UNC80: variants seen among roughly 807,000 people sequenced by gnomAD.
UNC80 encodes unc-80 subunit of NALCN channel complex.
Under a neutral mutation model 384.6 loss-of-function variants are expected in UNC80, and 164 were observed. The observed-to-expected ratio is 0.43, with a 90% CI of 0.38 to 0.49. UNC80 has a LOEUF of 0.49. Ranked by LOEUF, UNC80 falls within the 20% of genes least tolerant of loss-of-function variation. UNC80 has a pLI of 0.00. For missense variants in UNC80, 3,330 were observed against 4,143.0 expected, an observed-to-expected ratio of 0.80 and a Z score of 5.39; for synonymous variants, 1,486 against 1,527.8, an observed-to-expected ratio of 0.97 and a Z score of 0.64.
intron 62 of UNC80, among the ~76,000 whole-genome samples, chr2:209,992,713 A>G (rs1321052252): frequency 1.3e-5 from 2 of 152,240 alleles, no homozygotes; most frequent in Non-Finnish European, 2.9e-5. Context: ...GATTTGTTAT[A>G]CAGTTGATTT....
chr2:209,779,289 C>T (rs980135336), intron 4 of UNC80, among the ~76,000 whole-genome samples: 1 of 152,128 alleles, frequency 6.6e-6, no homozygotes, highest in Non-Finnish European at 1.5e-5. Flanking sequence ...TTCTCACCCT[C>T]AAACTTGACA....
rs185908474 is a variant in UNC80, at chr2:209,899,513, C to T, written c.4581+3100C>T. ...ATTAATTTAAAAAAAAGCACCGGGG[C>T]TCTAGTTGATGTTTTCTCTTTCCAG... On this transcript the variant is annotated intron_variant, in intron 28 of 64. Transcript: ENST00000673920. 2.7e-4 allele frequency among the ~76,000 whole-genome samples: 41 copies of T among 152,294 alleles called. No homozygotes were observed. The East Asian group carries it at 7.5e-3, about 28-fold the overall frequency.
At chr2:209,800,762 G>A (rs2078493615) in intron 7 of UNC80, among the ~76,000 whole-genome samples, 1 of 152,074 alleles carries the variant, frequency 6.6e-6, no homozygotes, top group Non-Finnish European at 1.5e-5. Context: ...TTGTCTCTTT[G>A]TTCTCATTGG....
intron 26 of UNC80, among the ~76,000 whole-genome samples, chr2:209,893,798 C>T (rs1318638676): frequency 6.6e-6 from 1 of 152,018 alleles, no homozygotes; most frequent in African/African-American, 2.4e-5. Context: ...TCTGTAAGTC[C>T]CATTTCGAAA....
At chr2:209,845,454 G>T (rs1434640925) in intron 21 of UNC80, among the ~76,000 whole-genome samples, 2 of 152,104 alleles carry the variant, frequency 1.3e-5, no homozygotes, top group East Asian at 1.9e-4. Flanking sequence ...ACAAATGTTA[G>T]TTCATTCTGG....
At chr2:209,985,229 C>T (rs1344422278) in intron 61 of UNC80, among the ~76,000 whole-genome samples, 1 of 152,148 alleles carries the variant, frequency 6.6e-6, no homozygotes, top group Non-Finnish European at 1.5e-5. Context: ...AAATTTATCC[C>T]ATCTAATTAT....
rs565508209 is a variant in UNC80, at chr2:209,976,940, G to C, written c.8800G>C (p.Glu2934Gln). 5 of 1,526,040 alleles carry C rather than the reference G, an allele frequency of 3.3e-6. No homozygotes were observed. Among genetic ancestry groups the C allele is most frequent in the Non-Finnish European group, 4.4e-6 (5 of 1,125,880 alleles). The allele number at this position is 1,526,040 out of a possible 1,614,324, so 94.5% of individuals were successfully genotyped here. A position where few individuals can be genotyped will look rare whatever the true frequency, so the allele number is the denominator to read the frequency against. The change falls in exon 58 of 65, where the codon GAA (glutamate) becomes CAA (glutamine). Residue 2934 changes from glutamate (E) to glutamine (Q), a missense_variant. Glu to Gln is a conservative substitution (Grantham distance 29, BLOSUM62 2). Coordinates refer to ENST00000673920, the MANE Select transcript of UNC80 (RefSeq NM_001371986.1). The surrounding 1 kb of genome is among the most constrained non-coding windows in gnomAD (Gnocchi z 4.3). ...KLLAQPAENH[E>Q]ELSARQHIAD... ...GCTGGCCCAACCAGCAGAGAATCAT[G>C]AAGAGCTTTCCGCCCGGCAACATAT...
At chr2:209,953,491 C>G (rs2092284768) in intron 47 of UNC80, among the ~76,000 whole-genome samples, 1 of 151,170 alleles carries the variant, frequency 6.6e-6, no homozygotes, top group South Asian at 2.1e-4. Flanking sequence ...GGGGAAAACC[C>G]ACTTTGCATA....
Position 209,879,846 on chromosome 2 carries a change from C to G in UNC80, c.3977-1115C>G, listed in dbSNP as rs529620694. Among the ~76,000 whole-genome samples, 183 of 149,728 alleles carry G rather than the reference C, an allele frequency of 1.2e-3. 1 individual carries two copies. In the Middle Eastern group the frequency reaches 0.024, roughly 19 times the overall value. On this transcript the variant is annotated intron_variant, in intron 24 of 64. Transcript: ENST00000673920. ...CAAAGTCCCCGGCAACAAATTAACT[C>G]AGGAGAGAAAATGGTTTTCCTGAAA...
At chr2:209,773,614 A>G (rs2153824419) in intron 2 of UNC80, among the ~76,000 whole-genome samples, 1 of 152,302 alleles carries the variant, frequency 6.6e-6, no homozygotes, top group African/African-American at 2.4e-5. Flanking sequence ...GTGGGGCGGG[A>G]TCGAGTGGTA....
chr2:209,790,905 G>C (rs1376696790), intron 6 of UNC80, among the ~76,000 whole-genome samples: 1 of 152,064 alleles, frequency 6.6e-6, no homozygotes, highest in African/African-American at 2.4e-5. Flanking sequence ...CAAGTAACAT[G>C]TCCTAGTTTA....
chr2:209,913,934 G>T lies in UNC80; in HGVS notation c.5023G>T (p.Ala1675Ser), dbSNP rs550786406. ...CAGCATGGATGAGCACATGGCAGGGGCAGCAGGTAAAGAAAGACCACCTGG... is the reference window on the plus strand; with the variant it reads ...CAGCATGGATGAGCACATGGCAGGGTCAGCAGGTAAAGAAAGACCACCTGG... ...LLSMDEHMAG[A>S]AAAMFLLCAV... Residue 1675 changes from alanine (A) to serine (S), a missense_variant, in exon 31 of 65, where the codon GCA becomes TCA. By Grantham distance (99) the Ala-to-Ser change is moderately conservative. Coordinates refer to ENST00000673920, the MANE Select transcript of UNC80 (RefSeq NM_001371986.1). The T allele has an allele frequency of 6.5e-7, 1 of 1,546,438 alleles. No homozygotes were observed. The highest frequency in any genetic ancestry group is 2.4e-5 in the East Asian group (1 of 40,828).
chr2:209,929,925 C>T lies in UNC80; in HGVS notation c.5861C>T (p.Thr1954Met), dbSNP rs940559299. ...LWNCLIEDPS[T>M]VLRHFLEKLT... is the part of the protein sequence containing the mutation. ...AACTGTCTAATTGAAGATCCATCAA[C>T]GGTTCTTCGACATTTTCTGGAAAAA... is the stretch of plus-strand genomic sequence containing the variant. The change falls in exon 37 of 65, where the codon ACG becomes ATG. Residue 1954 changes from threonine to methionine, a missense_variant. Around this residue, in one of 8 missense-constraint regions of UNC80, gnomAD observed 1,049 missense variants for 1,488.6 expected, o/e 0.70. Coordinates refer to ENST00000673920, the MANE Select transcript of UNC80 (RefSeq NM_001371986.1). 11 of 1,538,892 alleles carry T rather than the reference C, an allele frequency of 7.1e-6. No individual in the cohort carries two copies. The highest frequency in any genetic ancestry group is 1.4e-5 in the African/African-American group (1 of 72,246).
intron 28 of UNC80, 91 bp downstream of exon 28, chr2:209,896,504 C>T (rs2086808578): frequency 9.4e-7 from 1 of 1,058,584 alleles, no homozygotes; most frequent in Admixed American, 2.0e-5. Context: ...TATACTAAAT[C>T]ATCAATCCGA....
chr2:209,962,379 G>A (rs2092620860), intron 51 of UNC80, among the ~76,000 whole-genome samples: 1 of 152,058 alleles, frequency 6.6e-6, no homozygotes, highest in Non-Finnish European at 1.5e-5. Flanking sequence ...TCTTCATTTT[G>A]GCGTATTGCT....
rs539552716 is a variant in UNC80 at position 209,978,981 on chromosome 2, G to A, written c.9118+273G>A. Among the ~76,000 whole-genome samples, 5 of 152,324 alleles carry A rather than the reference G, an allele frequency of 3.3e-5. No homozygotes were observed. The South Asian group carries it at 1.0e-3, about 32-fold the overall frequency. ...TTTCTGCTTCTGGCTGGGCACGGTG[G>A]CTCATGCCTGTAGTCCCAGCACTTT... On this transcript the variant is annotated intron_variant, in intron 59 of 64. Coordinates refer to ENST00000673920, the MANE Select transcript of UNC80 (RefSeq NM_001371986.1).
At chr2:209,786,275 G>A in intron 5 of UNC80, 86 bp downstream of exon 5, 1 of 1,476,108 alleles carries the variant, frequency 6.8e-7, no homozygotes, top group Admixed American at 2.2e-5. Flanking sequence ...TTGCCCCTAA[G>A]AAGTCAAAAA....
At chr2:209,800,057 G>T (rs1476759877) in intron 7 of UNC80, among the ~76,000 whole-genome samples, 1 of 152,116 alleles carries the variant, frequency 6.6e-6, no homozygotes, top group Non-Finnish European at 1.5e-5. Context: ...CCTGGTGTTG[G>T]TATCAGGATG....
chr2:209,805,717 A>G (rs2078852188), intron 7 of UNC80, among the ~76,000 whole-genome samples: 1 of 152,226 alleles, frequency 6.6e-6, no homozygotes, highest in Non-Finnish European at 1.5e-5. Flanking sequence ...AATCTTCTAT[A>G]ACCTAATCTT....
Sources: allele counts gnomAD v4.1 joint callset (sites outside exome capture counted in the v4.1 genomes callset), GRCh38; gene constraint gnomAD v4.1.1; regional missense constraint gnomAD v4.1.1; non-coding constraint Gnocchi (gnomAD v3.1); transcripts MANE v1.5; gene names NCBI Gene and HGNC (gene_info 2026-07-23, HGNC 2026-07-21).